Variants in PLCH1 observed in about 807,000 individuals in gnomAD.
PLCH1 encodes 1-phosphatidylinositol 4,5-bisphosphate phosphodiesterase eta-1.
A neutral mutation model predicts 126.7 loss-of-function variants in PLCH1; 60 were observed. The ratio of observed to expected loss-of-function variants is 0.47; its 90% confidence interval spans 0.38 to 0.59. The LOEUF (loss-of-function observed/expected upper bound fraction) is 0.59. PLCH1 is among the 20% of genes least tolerant of loss of function. PLCH1 has a pLI of 0.00. For synonymous variants in PLCH1, 719 were observed against 734.9 expected, an observed-to-expected ratio of 0.98 and a Z score of 0.35; for missense variants, 1,723 against 2,040.0, an observed-to-expected ratio of 0.84 and a Z score of 2.99.
chr3:155,594,325 G>T, intron 3 of PLCH1, 141 bp from the exon 4 acceptor site: 1 of 766,728 alleles, frequency 1.3e-6, no homozygotes, highest in Non-Finnish European at 2.0e-6. Context: ...AATCCTAGCA[G>T]TTTGGGAGGT....
At chr3:155,525,227 G>A (rs989603783) in intron 10 of PLCH1, among the ~76,000 whole-genome samples, 1 of 152,108 alleles carries the variant, frequency 6.6e-6, no homozygotes, top group Non-Finnish European at 1.5e-5. Flanking sequence ...ATGTACAACT[G>A]CTATGGTGTG....
At position 155,480,977 on chromosome 3, in the gene PLCH1, CAAAAGAAAAT is replaced by C; in HGVS notation, c.5039_5048del (p.Tyr1680Ter). On this transcript the variant is annotated frameshift_variant, in exon 23 of 23. Transcript: ENST00000460012. LOFTEE classifies it high-confidence loss of function. ...TGCAGTTTTAAATAATTCACAGTCT[CAAAAGAAAAT>C]AAATTTCTGGTTTATCATCACTGCT... is the stretch of plus-strand genomic sequence containing the variant. 1 of 1,581,810 alleles carries C rather than the reference CAAAAGAAAAT, an allele frequency of 6.3e-7. No individual in the cohort carries two copies. Among genetic ancestry groups the C allele is most frequent in the Non-Finnish European group, 8.6e-7 (1 of 1,158,926 alleles).
intron 2 of PLCH1, among the ~76,000 whole-genome samples, chr3:155,696,323 CT>C (rs2109058181): frequency 6.6e-6 from 1 of 152,244 alleles, no homozygotes; most frequent in South Asian, 2.1e-4. Context: ...AGTTTTTCAA[CT>C]TTCTTTTGAT....
At chr3:155,522,774 T>C (rs1721282478) in intron 11 of PLCH1, among the ~76,000 whole-genome samples, 1 of 151,960 alleles carries the variant, frequency 6.6e-6, no homozygotes, top group East Asian at 1.9e-4. Flanking sequence ...TAACCTTTTC[T>C]GTAGAAATAA....
At chr3:155,524,254 T>G (rs919876859) in intron 10 of PLCH1, among the ~76,000 whole-genome samples, 1 of 152,200 alleles carries the variant, frequency 6.6e-6, no homozygotes, top group Non-Finnish European at 1.5e-5. Flanking sequence ...TCCATTTATA[T>G]CAAATTCATA....
At chr3:155,513,681 T>C (rs141700500) in intron 12 of PLCH1, among the ~76,000 whole-genome samples, 213 of 152,318 alleles carry the variant, frequency 1.4e-3, no homozygotes, top group African/African-American at 5.0e-3. Flanking sequence ...TGGTAAACTA[T>C]AAGGGCAGTA....
At chr3:155,573,269 T>C (rs1729484446) in intron 6 of PLCH1, among the ~76,000 whole-genome samples, 1 of 152,134 alleles carries the variant, frequency 6.6e-6, no homozygotes, top group African/African-American at 2.4e-5. Flanking sequence ...GGGAACTGAG[T>C]ATTGGAAGAG....
intron 8 of PLCH1, among the ~76,000 whole-genome samples, chr3:155,559,016 A>C (rs1459992299): frequency 6.6e-6 from 1 of 152,114 alleles, no homozygotes; most frequent in Non-Finnish European, 1.5e-5. Context: ...TTTTAATGCC[A>C]ACCTCTCCTC....
chr3:155,687,793 T>C (rs1302411714), intron 2 of PLCH1, among the ~76,000 whole-genome samples: 1 of 152,222 alleles, frequency 6.6e-6, no homozygotes, highest in Admixed American at 6.5e-5. Context: ...CGGAACACTA[T>C]TATTTTTCTG....
intron 10 of PLCH1, 44 bp downstream of exon 10, chr3:155,549,743 A>G (rs1725854688): frequency 4.4e-6 from 6 of 1,371,746 alleles, no homozygotes; most frequent in African/African-American, 1.4e-5. Context: ...GGGCAGGCTT[A>G]GCTGATAATG....
At chr3:155,599,788 T>C (rs964713566) in intron 2 of PLCH1, among the ~76,000 whole-genome samples, 17 of 152,226 alleles carry the variant, frequency 1.1e-4, no homozygotes, top group Admixed American at 6.5e-4. Flanking sequence ...AAGGACTGCC[T>C]ATGTATCTGA....
chr3:155,586,294 G>A (rs935477556), intron 4 of PLCH1, 100 bp from the exon 5 acceptor site: 13 of 1,237,666 alleles, frequency 1.1e-5, no homozygotes, highest in Non-Finnish European at 1.5e-5. Flanking sequence ...CACAGAACTT[G>A]AGAAGAAATT....
intron 6 of PLCH1, among the ~76,000 whole-genome samples, chr3:155,577,562 C>T (rs1366703720): frequency 6.6e-6 from 1 of 152,028 alleles, no homozygotes; most frequent in Non-Finnish European, 1.5e-5. Context: ...TGATTTTTAC[C>T]TCTTGATGTA....
intron 2 of PLCH1, among the ~76,000 whole-genome samples, chr3:155,630,098 T>C (rs1038271079): frequency 2.0e-5 from 3 of 152,214 alleles, no homozygotes; most frequent in Non-Finnish European, 4.4e-5. Context: ...TTTCTGTGCC[T>C]AGACGAATGC....
chr3:155,541,822 A>ACC (rs1220238369), intron 10 of PLCH1, among the ~76,000 whole-genome samples: 1 of 151,806 alleles, frequency 6.6e-6, no homozygotes, highest in Non-Finnish European at 1.5e-5. Context: ...TTTGTTACAC[A>ACC]CACACACACT....
chr3:155,498,253 T>C (rs1717367749), intron 14 of PLCH1, among the ~76,000 whole-genome samples: 1 of 152,208 alleles, frequency 6.6e-6, no homozygotes, highest in Non-Finnish European at 1.5e-5. Context: ...ATGCTGGCAA[T>C]TCAGATATGC....
chr3:155,601,745 C>A (rs1385312665), intron 2 of PLCH1, among the ~76,000 whole-genome samples: 2 of 152,002 alleles, frequency 1.3e-5, no homozygotes, highest in Non-Finnish European at 2.9e-5. Flanking sequence ...TAAAATTCAA[C>A]TGTTTTAAAT....
chr3:155,504,383 G>C (rs1238770326), intron 13 of PLCH1, among the ~76,000 whole-genome samples, 172 bp downstream of exon 13: 1 of 152,064 alleles, frequency 6.6e-6, no homozygotes, highest in African/African-American at 2.4e-5. Context: ...TGATACTGTT[G>C]ATGCGTAGAA....
chr3:155,723,365 C>T (rs1748091513), intron 1 of PLCH1, among the ~76,000 whole-genome samples: 1 of 152,112 alleles, frequency 6.6e-6, no homozygotes, highest in Admixed American at 6.5e-5. Flanking sequence ...TTCAAAGAAA[C>T]AGCTTTTTGT....
Sources: allele counts gnomAD v4.1 joint callset (sites outside exome capture counted in the v4.1 genomes callset), GRCh38; gene constraint gnomAD v4.1.1; transcripts MANE v1.5; gene names NCBI Gene and HGNC (gene_info 2026-07-23, HGNC 2026-07-21).